Variants in ANKRD46 observed in about 807,000 individuals in gnomAD.
The protein encoded by ANKRD46 is ankyrin repeat domain 46, also known as ankyrin repeat domain-containing protein 46.
In ANKRD46, 13 loss-of-function variants were observed where a neutral mutation model predicts 19.8. The observed-to-expected ratio is 0.66, with a 90% CI of 0.43 to 1.04. ANKRD46 has a LOEUF of 1.04. Ranked by LOEUF, ANKRD46 falls within the 50% of genes least tolerant of loss-of-function variation. ANKRD46 has a pLI of 0.00. For synonymous variants in ANKRD46, 91 were observed against 106.9 expected (o/e 0.85, Z 0.92); for missense variants, 185 against 274.8 (o/e 0.67, Z 2.31).
Position 100,529,924 on chromosome 8 carries a change from T to G in ANKRD46, c.-27-64A>C. On this transcript the variant is annotated intron_variant, in intron 2 of 4. Transcript: ENST00000335659. The surrounding 1 kb of genome is among the most constrained non-coding windows in gnomAD (Gnocchi z 5.8). ...ATGAAATCAAGACAAAGGAGTCATT[T>G]AGAAAAGCAATATTTCTCATCCTTT... The G allele has an allele frequency of 7.5e-7, 1 of 1,328,976 alleles. No individual in the cohort carries two copies. Among genetic ancestry groups the G allele is most frequent in the Non-Finnish European group, 1.0e-6 (1 of 976,568 alleles). The allele number at this position is 1,328,976 out of a possible 1,614,324, so 82.3% of individuals were successfully genotyped here.
At chr8:100,553,304 G>A (rs1299893688) in intron 1 of ANKRD46, among the ~76,000 whole-genome samples, 1 of 152,244 alleles carries the variant, frequency 6.6e-6, no homozygotes, top group Non-Finnish European at 1.5e-5. Context: ...AGACTGAGGA[G>A]AGGGCAGAGG....
At chr8:100,520,277 T>C (rs890413870), downstream of ANKRD46, among the ~76,000 whole-genome samples, 5 of 152,192 alleles carry the variant, frequency 3.3e-5, no homozygotes, top group Non-Finnish European at 5.9e-5. Context: ...AGTAATGTCC[T>C]GCTGAAATGG....
In ANKRD46 at chr8:100,537,775, G is replaced by A. The variant is rs894888853; in HGVS notation, c.-130-4464C>T. On this transcript the variant is annotated intron_variant, in intron 1 of 4. Coordinates refer to ENST00000335659, the MANE Select transcript of ANKRD46 (RefSeq NM_001270377.2). The surrounding 1 kb of genome is among the most constrained non-coding windows in gnomAD (Gnocchi z 4.2). ...CATTAACAATATATTTCTTCAGTCT[G>A]CTTATCTTCAGCAGCTATTTAAACA... 6.6e-6 allele frequency among the ~76,000 whole-genome samples: 1 copy of A among 152,136 alleles called. No homozygotes were observed. Among genetic ancestry groups the A allele is most frequent in the African/African-American group, 2.4e-5 (1 of 41,416 alleles).
intron 3 of ANKRD46, among the ~76,000 whole-genome samples, chr8:100,528,682 G>A (rs578167211): frequency 2.0e-5 from 3 of 151,866 alleles, no homozygotes; most frequent in Non-Finnish European, 4.4e-5. Flanking sequence ...AAGCTGCTTC[G>A]GTTCACGCAG....
intron 1 of ANKRD46, 61 bp from the exon 2 acceptor site, chr8:100,533,372 C>T (rs2130666453): frequency 6.6e-6 from 1 of 152,216 alleles, no homozygotes; most frequent in East Asian, 1.9e-4. Flanking sequence ...ACTCACTGTT[C>T]TATTAAATAC....
intron 2 of ANKRD46, among the ~76,000 whole-genome samples, chr8:100,530,872 A>G (rs1811947232): frequency 6.6e-6 from 1 of 152,204 alleles, no homozygotes; most frequent in South Asian, 2.1e-4. Flanking sequence ...GGGAAAAAAA[A>G]GTAGGGCTGT....
rs746946951 is a variant in ANKRD46, at chr8:100,528,005, TAAA to T, written c.312-5_312-3del. 4,417 of 1,148,246 alleles carry T rather than the reference TAAA, an allele frequency of 3.8e-3. No individual in the cohort carries two copies. Among genetic ancestry groups the T allele is most frequent in the South Asian group, 8.8e-3 (292 of 33,180 alleles). The allele number at this position is 1,148,246 out of a possible 1,614,324, so 71.1% of individuals were successfully genotyped here. On this transcript the variant is annotated splice_region_variant and splice_polypyrimidine_tract_variant and intron_variant, in intron 3 of 4. Coordinates refer to ENST00000335659, the MANE Select transcript of ANKRD46 (RefSeq NM_001270377.2). ...AAAGGGGTAGCACCTTGATGATTGCTAAAAAAAAAAAAAAAAAAAAAAGTTTAT... is the reference window on the plus strand; with the variant it reads ...AAAGGGGTAGCACCTTGATGATTGCTAAAAAAAAAAAAAAAAAAAGTTTAT...
rs540656014 is a variant in ANKRD46 at position 100,536,773 on chromosome 8, C to G, written c.-130-3462G>C. Among the ~76,000 whole-genome samples, 1 of 152,190 alleles carries G rather than the reference C, an allele frequency of 6.6e-6. No homozygotes were observed. Among genetic ancestry groups the G allele is most frequent in the Non-Finnish European group, 1.5e-5 (1 of 68,038 alleles). On this transcript the variant is annotated intron_variant, in intron 1 of 4. Coordinates refer to ENST00000335659, the MANE Select transcript of ANKRD46 (RefSeq NM_001270377.2). This position sits in a 1 kb window ranked among gnomAD's most constrained non-coding sequence, Gnocchi z 4.9. ...CCCAAGGAACAGTGTCCATGAGGAA[C>G]AGTGTCCACTGACTGGTTCAGAGGC...
chr8:100,511,364 G>C lies in ANKRD46; in HGVS notation c.637-725C>G, dbSNP rs1340185019. Among the ~76,000 whole-genome samples the C allele has an allele frequency of 6.6e-6, 1 of 152,072 alleles. No homozygotes were observed. Among genetic ancestry groups the C allele is most frequent in the Non-Finnish European group, 1.5e-5 (1 of 68,004 alleles). On this transcript the variant is annotated intron_variant, in intron 5 of 5. Transcript: ENST00000520552. This position sits in a 1 kb window ranked among gnomAD's most constrained non-coding sequence, Gnocchi z 4.1. The stretch of plus-strand genomic sequence containing the variant: ...TCTTCTGCCTCCCAGTCACAAAAGA[G>C]TGGGTGTTTATGACAAGGAGTGTCT...
chr8:100,526,755 G>C (rs1014293095), intron 4 of ANKRD46, among the ~76,000 whole-genome samples: 1 of 152,096 alleles, frequency 6.6e-6, no homozygotes, highest in African/African-American at 2.4e-5. Context: ...GCAAAAATGG[G>C]TACAAAGGAA....
chr8:100,550,849 A>G lies in ANKRD46; in HGVS notation c.-131+8862T>C. 2.1e-6 allele frequency: 1 copy of G among 483,846 alleles called. No individual in the cohort carries two copies. The highest frequency in any genetic ancestry group is 3.9e-6 in the Non-Finnish European group (1 of 254,112). The allele number at this position is 483,846 out of a possible 1,614,324, so 30.0% of individuals were successfully genotyped here. ...GCAGCCCCAGCATCGAAAGTGGAAG[A>G]GTGAGTGTCACTGTTAAAGTCAGAG... On this transcript the variant is annotated intron_variant, in intron 1 of 4. Coordinates refer to ENST00000335659, the MANE Select transcript of ANKRD46 (RefSeq NM_001270377.2). The surrounding 1 kb of genome is among the most constrained non-coding windows in gnomAD (Gnocchi z 4.4).
Position 100,550,830 on chromosome 8 carries a change from C to T in ANKRD46, c.-131+8881G>A, listed in dbSNP as rs570119989. ...GTGGTCACTGAGGGCAATGGCAGCC[C>T]CAGCATCGAAAGTGGAAGAGTGAGT... On this transcript the variant is annotated intron_variant, in intron 1 of 4. Coordinates refer to ENST00000335659, the MANE Select transcript of ANKRD46 (RefSeq NM_001270377.2). This position sits in a 1 kb window ranked among gnomAD's most constrained non-coding sequence, Gnocchi z 4.4. The T allele has an allele frequency of 4.3e-6, 2 of 463,006 alleles. No homozygotes were observed. Among genetic ancestry groups the T allele is most frequent in the South Asian group, 1.8e-5 (1 of 56,284 alleles). 28.7% of individuals were successfully genotyped at this position (463,006 alleles called of 1,614,324 possible).
At chr8:100,551,908 G>C (rs1397917570) in intron 1 of ANKRD46, among the ~76,000 whole-genome samples, 1 of 152,138 alleles carries the variant, frequency 6.6e-6, no homozygotes, top group African/African-American at 2.4e-5. Context: ...CCAGCACTTT[G>C]GGAGGCCAAG....
At position 100,529,959 on chromosome 8, in the gene ANKRD46, T is replaced by C. The variant is rs1811924333; in HGVS notation, c.-27-99A>G. 1.2e-5 allele frequency: 10 copies of C among 825,006 alleles called. No homozygotes were observed. The highest frequency in any genetic ancestry group is 3.5e-5 in the African/African-American group (2 of 57,738). The allele number at this position is 825,006 out of a possible 1,614,324, so 51.1% of individuals were successfully genotyped here. ...ATATTTCTCATCCTTTTTGGCCTCC[T>C]GCCTCTAATAAATAAATGACCAAAC... On this transcript the variant is annotated intron_variant, in intron 2 of 4. Coordinates refer to ENST00000335659, the MANE Select transcript of ANKRD46 (RefSeq NM_001270377.2). The surrounding 1 kb of genome is among the most constrained non-coding windows in gnomAD (Gnocchi z 5.8).
intron 1 of ANKRD46, among the ~76,000 whole-genome samples, chr8:100,549,276 G>A (rs762017251): frequency 6.6e-6 from 1 of 151,954 alleles, no homozygotes; most frequent in Admixed American, 6.5e-5. Flanking sequence ...AGCCTGGAAT[G>A]TTTTAACAAG....
chr8:100,539,961 T>C (rs919300998), intron 1 of ANKRD46, among the ~76,000 whole-genome samples: 2 of 152,230 alleles, frequency 1.3e-5, no homozygotes, highest in African/African-American at 4.8e-5. Flanking sequence ...TATTACTTAG[T>C]AGATGTTCTT....
In ANKRD46 at chr8:100,535,326, T is replaced by A. The variant is rs186899994; in HGVS notation, c.-130-2015A>T. Among the ~76,000 whole-genome samples the A allele has an allele frequency of 2.9e-4, 44 of 152,336 alleles. 1 individual carries two copies. Among genetic ancestry groups the A allele is most frequent in the East Asian group, 2.1e-3 (11 of 5,192 alleles). ...GGGTGAAGAGGACTAAAGACTTTTT[T>A]AAATTAAACTTTTTGAGATAATTAT... On this transcript the variant is annotated intron_variant, in intron 1 of 4. Coordinates refer to ENST00000335659, the MANE Select transcript of ANKRD46 (RefSeq NM_001270377.2).
intron 1 of ANKRD46, among the ~76,000 whole-genome samples, chr8:100,547,814 C>A (rs1049504881): frequency 6.6e-6 from 1 of 152,162 alleles, no homozygotes; most frequent in Non-Finnish European, 1.5e-5. Context: ...CTTGCAAATT[C>A]TTTTTCCATT....
chr8:100,542,252 C>T (rs945602014), intron 1 of ANKRD46, among the ~76,000 whole-genome samples: 1 of 152,118 alleles, frequency 6.6e-6, no homozygotes, highest in Non-Finnish European at 1.5e-5. Flanking sequence ...GAATTCTTTA[C>T]GTATCCTTAT....
Sources: gnomAD v4.1 joint callset for allele counts (sites outside exome capture counted in the v4.1 genomes callset) on GRCh38, gnomAD v4.1.1 for gene constraint, Gnocchi (gnomAD v3.1) non-coding constraint, MANE v1.5 for transcripts, NCBI Gene and HGNC (gene_info 2026-07-23, HGNC 2026-07-21) for gene names.